CNBP: variants seen among roughly 807,000 people sequenced by gnomAD.
CNBP encodes CCHC-type zinc finger nucleic acid binding protein, also known as cellular nucleic acid-binding protein.
CNBP carries 6 observed loss-of-function variants against 21.2 expected under a neutral mutation model. The observed-to-expected ratio is 0.28, with a 90% CI of 0.16 to 0.56. The LOEUF is 0.56. Ranked by LOEUF, CNBP falls within the 20% of genes least tolerant of loss-of-function variation. The pLI is 0.93. For missense variants in CNBP, 112 were observed against 233.1 expected, an observed-to-expected ratio of 0.48 and a Z score of 3.38; for synonymous variants, 61 against 74.9, an observed-to-expected ratio of 0.81 and a Z score of 0.96.
chr3:129,169,652 C>T lies in CNBP; in HGVS notation c.*801G>A, dbSNP rs968187553. The T allele has an allele frequency of 2.8e-5, 6 of 210,604 alleles. No homozygotes were observed. The highest frequency in any genetic ancestry group is 1.4e-4 in the African/African-American group (6 of 44,008). 13.0% of individuals were successfully genotyped at this position (210,604 alleles called of 1,614,324 possible). A position where few individuals can be genotyped will look rare whatever the true frequency, so the allele number is the denominator to read the frequency against. On this transcript the variant is annotated 3_prime_UTR_variant, in exon 5 of 5. Transcript: ENST00000422453. ...TTTCTAGGACTTCAGTTGCTCTTTC[C>T]ATCTGACTTTTAAAAACTGATTACA... is the stretch of plus-strand genomic sequence containing the variant.
In CNBP at chr3:129,171,473, C is replaced by A. The variant is rs777925775; in HGVS notation, c.190G>T (p.Ala64Ser). The A allele has an allele frequency of 6.2e-7, 1 of 1,614,150 alleles. No homozygotes were observed. Among genetic ancestry groups the A allele is most frequent in the South Asian group, 1.1e-5 (1 of 91,090 alleles). ...TCCTCCTGAAGATCACAATCCTTGG[C>A]AAGATGACCAGACTCACCACAGCGA... Reference protein sequence around the residue: ...CYRCGESGHLAKDCDLQEDAC... With the variant: ...CYRCGESGHLSKDCDLQEDAC... The change falls in exon 3 of 5, where the codon GCC becomes TCC. Residue 64 changes from alanine to serine, a missense_variant. Coordinates refer to ENST00000422453, the MANE Select transcript of CNBP (RefSeq NM_003418.5).
intron 1 of CNBP, among the ~76,000 whole-genome samples, chr3:129,172,616 A>AGG (rs1560034664): frequency 4.0e-5 from 2 of 49,450 alleles, no homozygotes; most frequent in Non-Finnish European, 5.5e-5. Context: ...AGACAGGCAG[A>AGG]CAGGCAGCCA....
intron 3 of CNBP, 23 bp from the exon 4 acceptor site, chr3:129,171,300 C>T: frequency 6.2e-7 from 1 of 1,613,474 alleles, no homozygotes; most frequent in Non-Finnish European, 8.5e-7. Context: ...GGAAAAGAAA[C>T]AGGCCAAGAC....
chr3:129,178,900 G>A (rs900132927), intron 1 of CNBP, among the ~76,000 whole-genome samples: 1 of 151,924 alleles, frequency 6.6e-6, no homozygotes, highest in Admixed American at 6.6e-5. Context: ...CCACCACGAC[G>A]CCTGGCTACT....
intron 1 of CNBP, among the ~76,000 whole-genome samples, chr3:129,176,955 T>A (rs1937945414): frequency 6.6e-6 from 1 of 152,084 alleles, no homozygotes; most frequent in South Asian, 2.1e-4. Flanking sequence ...AAAATTAGAT[T>A]TCAGATTATC....
At chr3:129,172,236 T>G (rs974664745) in intron 1 of CNBP, among the ~76,000 whole-genome samples, 1 of 152,046 alleles carries the variant, frequency 6.6e-6, no homozygotes, top group Non-Finnish European at 1.5e-5. Flanking sequence ...TACACCTTGA[T>G]AAAAGTGATG....
intron 1 of CNBP, among the ~76,000 whole-genome samples, chr3:129,182,389 TTC>T (rs1317819430): frequency 6.6e-6 from 1 of 152,086 alleles, no homozygotes; most frequent in Non-Finnish European, 1.5e-5. Context: ...CTGAGCAATG[TTC>T]TCTTTTTACA....
intron 1 of CNBP, among the ~76,000 whole-genome samples, chr3:129,182,799 G>A (rs982883726): frequency 6.6e-6 from 1 of 152,082 alleles, no homozygotes; most frequent in African/African-American, 2.4e-5. Context: ...TGTAACACAA[G>A]CAACTTAGTA....
intron 1 of CNBP, among the ~76,000 whole-genome samples, chr3:129,178,947 C>T (rs539417613): frequency 1.3e-5 from 2 of 152,096 alleles, no homozygotes; most frequent in South Asian, 4.2e-4. Context: ...GGGGTTTCAC[C>T]GTGTTAGCCA....
chr3:129,183,177 T>C (rs913919568), intron 1 of CNBP, among the ~76,000 whole-genome samples: 4 of 152,288 alleles, frequency 2.6e-5, no homozygotes, highest in African/African-American at 9.6e-5. Context: ...CTCGAACTCC[T>C]GACCTCGTGA....
intron 1 of CNBP, among the ~76,000 whole-genome samples, chr3:129,174,827 C>T (rs1402519972): frequency 6.6e-6 from 1 of 152,150 alleles, no homozygotes; most frequent in Non-Finnish European, 1.5e-5. Flanking sequence ...ATTACTTTTA[C>T]AGTGTAATCC....
intron 1 of CNBP, among the ~76,000 whole-genome samples, chr3:129,172,743 T>C (rs1165297339): frequency 7.0e-6 from 1 of 143,672 alleles, no homozygotes; most frequent in Non-Finnish European, 1.5e-5. Flanking sequence ...CTGGCAGTAA[T>C]ACTCATTCAC....
At position 129,168,142 on chromosome 3, in the gene CNBP, G is replaced by A. The variant is rs975817653; in HGVS notation, c.*2311C>T. Among the ~76,000 whole-genome samples, 18 of 152,082 alleles carry A rather than the reference G, an allele frequency of 1.2e-4. No individual in the cohort carries two copies. The highest frequency in any genetic ancestry group is 3.3e-4 in the Admixed American group (5 of 15,240). On this transcript the variant is annotated 3_prime_UTR_variant, in exon 5 of 5. Coordinates refer to ENST00000422453, the MANE Select transcript of CNBP (RefSeq NM_003418.5). ...GAAAATGAACTATATGATGCTAACC[G>A]CATTTAATTTCGAAGTGGGGGGAAA...
At position 129,168,407 on chromosome 3, in the gene CNBP, C is replaced by G. The variant is rs1008727561; in HGVS notation, c.*2046G>C. On this transcript the variant is annotated 3_prime_UTR_variant, in exon 5 of 5. Transcript: ENST00000422453. ...GGGCAACAGTTGGAGACCAGCCTGA[C>G]CAACACAGTGAAACCCCATCTCTAC... Among the ~76,000 whole-genome samples, 8 of 151,462 alleles carry G rather than the reference C, an allele frequency of 5.3e-5. No homozygotes were observed. The highest frequency in any genetic ancestry group is 8.8e-5 in the Non-Finnish European group (6 of 67,930).
rs79639676 is a variant in CNBP, at chr3:129,172,856, T to C, written c.-14-1085A>G. 4.8e-3 allele frequency among the ~76,000 whole-genome samples: 731 copies of C among 152,204 alleles called. 3 individuals carry two copies. The highest frequency in any genetic ancestry group is 8.0e-3 in the Non-Finnish European group (545 of 68,018). The stretch of plus-strand genomic sequence containing the variant: ...TCATTTATTTACTCACATCAAAAAA[T>C]TGGAATAACCCAAACCAATGAAGCT... On this transcript the variant is annotated intron_variant, in intron 1 of 4. Coordinates refer to ENST00000422453, the MANE Select transcript of CNBP (RefSeq NM_003418.5).
At chr3:129,182,583 G>C (rs550852026) in intron 1 of CNBP, among the ~76,000 whole-genome samples, 7 of 152,148 alleles carry the variant, frequency 4.6e-5, no homozygotes, top group Non-Finnish European at 8.8e-5. Flanking sequence ...TAGATGGAGG[G>C]GAGCTAGTTG....
intron 1 of CNBP, among the ~76,000 whole-genome samples, chr3:129,182,810 T>C (rs1938394784): frequency 6.6e-6 from 1 of 152,086 alleles, no homozygotes; most frequent in African/African-American, 2.4e-5. Flanking sequence ...CAACTTAGTA[T>C]TTAAATGACG....
In CNBP at chr3:129,169,399, T is replaced by A. The variant is rs981256482; in HGVS notation, c.*1054A>T. ...AATTTTCTATAGCTTTGCAAAAGTA[T>A]CTAAATCCCATACATCCTTTTAACA... On this transcript the variant is annotated 3_prime_UTR_variant, in exon 5 of 5. Transcript: ENST00000422453. 1 of 194,044 alleles carries A rather than the reference T, an allele frequency of 5.2e-6. No individual in the cohort carries two copies. The highest frequency in any genetic ancestry group is 1.1e-5 in the Non-Finnish European group (1 of 93,246). 12.0% of individuals were successfully genotyped at this position (194,044 alleles called of 1,614,324 possible).
chr3:129,177,453 C>T (rs1407761066), intron 1 of CNBP, among the ~76,000 whole-genome samples: 1 of 152,156 alleles, frequency 6.6e-6, no homozygotes, highest in Non-Finnish European at 1.5e-5. Flanking sequence ...AATAATAAAA[C>T]TGATGTGTGT....
Sources: allele counts gnomAD v4.1 joint callset (sites outside exome capture counted in the v4.1 genomes callset), GRCh38; gene constraint gnomAD v4.1.1; transcripts MANE v1.5; gene names NCBI Gene and HGNC (gene_info 2026-07-23, HGNC 2026-07-21).